SLC41A3: variants seen among roughly 807,000 people sequenced by gnomAD.
The protein encoded by SLC41A3 is solute carrier family 41 member 3.
In SLC41A3, 44 loss-of-function variants were observed where a neutral mutation model predicts 45.4. The observed-to-expected ratio is 0.97, with a 90% CI of 0.76 to 1.25. The LOEUF is 1.25. Ranked by LOEUF, SLC41A3 falls within the 50% of genes most tolerant of loss-of-function variation. SLC41A3 has a pLI of 0.00. For synonymous variants in SLC41A3, 256 were observed against 252.4 expected (o/e 1.01, Z -0.13); for missense variants, 550 against 600.6 (o/e 0.92, Z 0.88).
chr3:126,031,696 G>C (rs910330654), intron 4 of SLC41A3, among the ~76,000 whole-genome samples: 2 of 152,230 alleles, frequency 1.3e-5, no homozygotes, highest in South Asian at 2.1e-4. Flanking sequence ...CCTGAGCAGG[G>C]CTTCATAAAC....
At chr3:126,061,533 G>A (rs942573032) in intron 2 of SLC41A3, among the ~76,000 whole-genome samples, 2 of 152,220 alleles carry the variant, frequency 1.3e-5, no homozygotes, top group African/African-American at 4.8e-5. Context: ...GAGGGCAGGG[G>A]TGTCTGCCTG....
At chr3:126,021,085 A>G (rs976182455) in intron 6 of SLC41A3, among the ~76,000 whole-genome samples, 26 of 152,222 alleles carry the variant, frequency 1.7e-4, no homozygotes, top group Admixed American at 9.2e-4. Flanking sequence ...TAGTAGAGAC[A>G]GGATTTCACC....
At chr3:126,058,006 C>T (rs1469009244) in intron 2 of SLC41A3, 1 of 152,342 alleles carries the variant, frequency 6.6e-6, no homozygotes. Context: ...TATGTCCTAT[C>T]TCTTGGGCTG....
At chr3:126,074,554 TACAC>T (rs1329033397) in intron 1 of SLC41A3, among the ~76,000 whole-genome samples, 2 of 152,250 alleles carry the variant, frequency 1.3e-5, no homozygotes, top group East Asian at 1.9e-4. Context: ...GGGATCCACA[TACAC>T]ACAAACTATT....
chr3:126,016,421 C>CCGCTG (rs1940288359), intron 7 of SLC41A3, among the ~76,000 whole-genome samples: 1 of 152,254 alleles, frequency 6.6e-6, no homozygotes, highest in African/African-American at 2.4e-5. Flanking sequence ...GGCCTGAAAG[C>CCGCTG]CGCTGTCTCC....
At chr3:126,030,600 C>T (rs1941726970) in intron 4 of SLC41A3, among the ~76,000 whole-genome samples, 1 of 152,114 alleles carries the variant, frequency 6.6e-6, no homozygotes, top group South Asian at 2.1e-4. Context: ...GGTACTTATA[C>T]AGGCTCAATG....
At chr3:126,011,412 G>C (rs1225617335) in intron 9 of SLC41A3, among the ~76,000 whole-genome samples, 4 of 152,188 alleles carry the variant, frequency 2.6e-5, no homozygotes, top group Admixed American at 6.5e-5. Context: ...TCTAAACAAG[G>C]AGAGTAATAG....
At chr3:126,060,282 G>T (rs1171563108) in intron 2 of SLC41A3, among the ~76,000 whole-genome samples, 4 of 152,192 alleles carry the variant, frequency 2.6e-5, no homozygotes, top group African/African-American at 9.7e-5. Context: ...AGCTGGGCGT[G>T]GTGGCGCATG....
At position 126,008,754 on chromosome 3, in the gene SLC41A3, T is replaced by G. The variant is rs1939396792; in HGVS notation, c.1232A>C (p.Tyr411Ser). 1.2e-6 allele frequency: 2 copies of G among 1,613,910 alleles called. No homozygotes were observed. The highest frequency in any genetic ancestry group is 1.7e-6 in the Non-Finnish European group (2 of 1,179,894). ...TACCTGGATCAGGCCTGCCAGCAGG[T>G]AGAGCACCACAAAGGTCTGGCTGTT... is the stretch of plus-strand genomic sequence containing the variant. ...VINSQTFVVL[Y>S]LLAGLIQVTI... The change falls in exon 10 of 11, where the codon TAC (tyrosine) becomes TCC (serine). Residue 411 changes from tyrosine to serine, a missense_variant. Physicochemically the swap from Tyr to Ser is moderately radical, Grantham distance 144. Coordinates refer to ENST00000360370, the MANE Select transcript of SLC41A3 (RefSeq NM_017836.4).
chr3:126,075,386 T>C (rs1022865611), intron 1 of SLC41A3, among the ~76,000 whole-genome samples: 12 of 151,668 alleles, frequency 7.9e-5, no homozygotes, highest in African/African-American at 2.7e-4. Flanking sequence ...CCCTGAAAAC[T>C]ATAAAACATT....
chr3:126,096,381 G>GC (rs75940914), intron 1 of SLC41A3, among the ~76,000 whole-genome samples: 31,828 of 151,758 alleles, frequency 0.21, 3,430 homozygotes, highest in East Asian at 0.27. Context: ...GTTGGGAACA[G>GC]CCCCCCCACC....
chr3:126,045,303 G>C (rs908928427), intron 3 of SLC41A3, among the ~76,000 whole-genome samples: 3 of 146,550 alleles, frequency 2.0e-5, no homozygotes, highest in Middle Eastern at 3.5e-3. Flanking sequence ...ATAAAATAGA[G>C]AACAGAAAAA....
intron 9 of SLC41A3, among the ~76,000 whole-genome samples, chr3:126,012,075 C>T (rs987382877): frequency 6.6e-6 from 1 of 152,182 alleles, no homozygotes; most frequent in African/African-American, 2.4e-5. Context: ...CCTGTCCATT[C>T]AGCTCAGGCC....
intron 9 of SLC41A3, among the ~76,000 whole-genome samples, chr3:126,010,948 C>T (rs1027487256): frequency 6.6e-5 from 10 of 152,196 alleles, no homozygotes; most frequent in Non-Finnish European, 1.3e-4. Flanking sequence ...CAAAGGAAGC[C>T]AGCTAAGTAG....
chr3:126,067,584 G>A, intron 2 of SLC41A3: 1 of 461,406 alleles, frequency 2.2e-6, no homozygotes, highest in Non-Finnish European at 4.3e-6. Context: ...CCAGCCTCTA[G>A]AACTGTGTGA....
At chr3:126,077,534 C>G (rs1275181566) in intron 1 of SLC41A3, among the ~76,000 whole-genome samples, 2 of 152,094 alleles carry the variant, frequency 1.3e-5, no homozygotes, top group African/African-American at 4.8e-5. Flanking sequence ...AATCCATGTT[C>G]TAGATCCTGG....
Position 126,007,205 on chromosome 3 carries a change from G to A in SLC41A3, c.1275C>T (p.Leu425=), listed in dbSNP as rs2279819. The A allele has an allele frequency of 8.7e-6, 14 of 1,613,704 alleles. No individual in the cohort carries two copies. Among genetic ancestry groups the A allele is most frequent in the Admixed American group, 5.0e-5 (3 of 59,956 alleles). Reference sequence around the variant, plus strand: ...AAGTCAGCCGAACCATCACTTCTGCGAGGTACAGCAGGATTGTCACCTGTC... The same window carrying A: ...AAGTCAGCCGAACCATCACTTCTGCAAGGTACAGCAGGATTGTCACCTGTC... The part of the protein sequence containing the change: ...GLIQVTILLY[L]AEVMVRLTWH... The change falls in exon 11 of 11, where the codon CTC becomes CTT. Residue 425 remains leucine (L), a synonymous_variant. Transcript: ENST00000360370.
chr3:126,038,136 G>A (rs72979456), intron 3 of SLC41A3, among the ~76,000 whole-genome samples: 264 of 152,386 alleles, frequency 1.7e-3, no homozygotes, highest in African/African-American at 6.1e-3. Flanking sequence ...AAGGATGTAT[G>A]TGAAAGCCTG....
chr3:126,020,595 G>A (rs1194584308), intron 6 of SLC41A3, among the ~76,000 whole-genome samples: 2 of 152,200 alleles, frequency 1.3e-5, no homozygotes, highest in African/African-American at 4.8e-5. Flanking sequence ...TCCTCAGCCA[G>A]GGCACTCTTA....
Sources: gnomAD v4.1 joint callset for allele counts (sites outside exome capture counted in the v4.1 genomes callset) on GRCh38, gnomAD v4.1.1 for gene constraint, MANE v1.5 for transcripts, NCBI Gene and HGNC (gene_info 2026-07-23, HGNC 2026-07-21) for gene names.